KHDRBS2: variants seen among roughly 807,000 people sequenced by gnomAD.
KHDRBS2 encodes KH domain-containing, RNA-binding, signal transduction-associated protein 2.
In KHDRBS2, 26 loss-of-function variants were observed where a neutral mutation model predicts 44.3. The ratio of observed to expected loss-of-function variants is 0.59; its 90% CI spans 0.43 to 0.81. KHDRBS2 has a LOEUF of 0.81. Ranked by LOEUF, KHDRBS2 falls within the 40% of genes least tolerant of loss-of-function variation. KHDRBS2 has a pLI of 0.00. For missense variants in KHDRBS2, 476 were observed against 433.1 expected (o/e 1.10, Z -0.88); for synonymous variants, 194 against 151.1 (o/e 1.28, Z -2.08).
intron 6 of KHDRBS2, among the ~76,000 whole-genome samples, chr6:61,857,962 G>A (rs1796381098): frequency 6.6e-6 from 1 of 151,784 alleles, no homozygotes; most frequent in Non-Finnish European, 1.5e-5. Flanking sequence ...ATGGCACACT[G>A]TGTTATATAA....
chr6:61,953,459 C>T (rs1046055542), intron 4 of KHDRBS2, among the ~76,000 whole-genome samples: 1 of 151,848 alleles, frequency 6.6e-6, no homozygotes, highest in Admixed American at 6.6e-5. Context: ...TCAGAACCAT[C>T]TAAACTGAAA....
At chr6:61,743,019 T>C (rs765286359) in intron 6 of KHDRBS2, among the ~76,000 whole-genome samples, 4 of 152,144 alleles carry the variant, frequency 2.6e-5, no homozygotes, top group Non-Finnish European at 4.4e-5. Context: ...GCCATGCATA[T>C]GCAAGACAGT....
At chr6:62,025,681 G>A (rs543221002) in intron 3 of KHDRBS2, among the ~76,000 whole-genome samples, 5 of 151,660 alleles carry the variant, frequency 3.3e-5, no homozygotes, top group Admixed American at 6.6e-5. Context: ...TTTGGTGCAC[G>A]CACTGTGGTT....
intron 1 of KHDRBS2, among the ~76,000 whole-genome samples, chr6:62,263,281 A>G (rs548235791): frequency 7.3e-5 from 11 of 150,948 alleles, no homozygotes; most frequent in Admixed American, 4.0e-4. Context: ...ACCAAAGAAT[A>G]TGGAATATTT....
chr6:61,803,900 C>A (rs1786700191), intron 6 of KHDRBS2, among the ~76,000 whole-genome samples: 1 of 152,030 alleles, frequency 6.6e-6, no homozygotes. Flanking sequence ...CCCATGAGGT[C>A]CCTACCCCAA....
the KHDRBS2 span, among the ~76,000 whole-genome samples, chr6:61,569,213 G>A: frequency 0.59 from 89,800 of 151,740 alleles, 26,787 homozygotes; most frequent in African/African-American, 0.61. Flanking sequence ...CCACCCTCCC[G>A]TTCCCCACAG....
chr6:61,625,326 A>G, the KHDRBS2 span, among the ~76,000 whole-genome samples: 3 of 149,996 alleles, frequency 2.0e-5, no homozygotes, highest in African/African-American at 7.4e-5. Flanking sequence ...AGTGGCCCAC[A>G]GGAATGAGGG....
chr6:61,744,565 A>G (rs1776612528), intron 6 of KHDRBS2, among the ~76,000 whole-genome samples: 1 of 152,118 alleles, frequency 6.6e-6, no homozygotes, highest in Non-Finnish European at 1.5e-5. Context: ...GATGAGCAAA[A>G]CACATGAAAA....
At chr6:62,018,012 A>G (rs1781526438) in intron 3 of KHDRBS2, among the ~76,000 whole-genome samples, 1 of 151,826 alleles carries the variant, frequency 6.6e-6, no homozygotes, top group Non-Finnish European at 1.5e-5. Flanking sequence ...ATTAGGATTT[A>G]CATTTTTAGA....
At chr6:61,793,040 C>G (rs181890962) in intron 6 of KHDRBS2, among the ~76,000 whole-genome samples, 1 of 151,894 alleles carries the variant, frequency 6.6e-6, no homozygotes, top group South Asian at 2.1e-4. Context: ...TGATTAATAT[C>G]TTTAATTTTA....
intron 2 of KHDRBS2, among the ~76,000 whole-genome samples, chr6:62,136,993 C>CTTTTTT (rs141092447): frequency 6.5e-3 from 511 of 78,264 alleles, no homozygotes; most frequent in Middle Eastern, 0.013. Context: ...TCTTTCTTTT[C>CTTTTTT]TTTTTTTTTT....
At chr6:61,736,212 TCACACA>T (rs376298733) in intron 6 of KHDRBS2, among the ~76,000 whole-genome samples, 7 of 135,644 alleles carry the variant, frequency 5.2e-5, no homozygotes, top group Admixed American at 2.3e-4. Context: ...TTACTTTACT[TCACACA>T]CACACACACA....
chr6:62,061,465 T>C (rs1791852160), intron 2 of KHDRBS2, among the ~76,000 whole-genome samples: 1 of 151,134 alleles, frequency 6.6e-6, no homozygotes, highest in African/African-American at 2.4e-5. Context: ...AATTCTGGGT[T>C]CAAAATTCTT....
At chr6:61,952,752 C>G (rs1234647201) in intron 4 of KHDRBS2, among the ~76,000 whole-genome samples, 2 of 151,976 alleles carry the variant, frequency 1.3e-5, no homozygotes, top group South Asian at 4.1e-4. Context: ...AAGTGCATTA[C>G]ACATGTTCTC....
At chr6:62,153,457 T>G (rs1420997997) in intron 2 of KHDRBS2, among the ~76,000 whole-genome samples, 1 of 151,598 alleles carries the variant, frequency 6.6e-6, no homozygotes, top group African/African-American at 2.4e-5. Flanking sequence ...GACAAAATAG[T>G]CAATACTTGG....
chr6:62,110,882 T>C (rs767123279), intron 2 of KHDRBS2, among the ~76,000 whole-genome samples: 12 of 152,058 alleles, frequency 7.9e-5, no homozygotes, highest in Admixed American at 1.3e-4. Flanking sequence ...TTCAGCTCAA[T>C]AAAGCTGTTA....
At chr6:62,263,700 CTAA>C (rs947654170) in intron 1 of KHDRBS2, among the ~76,000 whole-genome samples, 14 of 151,640 alleles carry the variant, frequency 9.2e-5, no homozygotes, top group African/African-American at 2.9e-4. Context: ...ACTTTAAATA[CTAA>C]TGTCTATTTA....
rs559218965 is a variant in KHDRBS2 at position 61,739,679 on chromosome 6, G to A, written c.811-6915C>T. 2.0e-3 allele frequency among the ~76,000 whole-genome samples: 307 copies of A among 151,900 alleles called. 5 individuals are homozygous for A. The highest frequency in any genetic ancestry group is 2.5e-3 in the Non-Finnish European group (172 of 67,824). On this transcript the variant is annotated intron_variant, in intron 6 of 8. Transcript: ENST00000281156. The stretch of plus-strand genomic sequence containing the variant: ...ATTTAGATAAGGAATAAAACAAAAC[G>A]TCAAGTCCTGGCTTTTAGCATTTGT...
intron 1 of KHDRBS2, among the ~76,000 whole-genome samples, chr6:62,223,523 G>A (rs962758972): frequency 6.6e-5 from 10 of 152,178 alleles, no homozygotes; most frequent in Non-Finnish European, 8.8e-5. Flanking sequence ...GCAAATTTCT[G>A]CAGCCAGCTT....
Sources: allele counts gnomAD v4.1 joint callset (sites outside exome capture counted in the v4.1 genomes callset), GRCh38; gene constraint gnomAD v4.1.1; transcripts MANE v1.5; gene names NCBI Gene and HGNC (gene_info 2026-07-23, HGNC 2026-07-21).